The following FGFRL1 variants were observed in gnomAD, a reference collection of about 807,000 sequenced individuals.
FGFRL1 encodes fibroblast growth factor receptor-like 1.
FGFRL1 carries 24 observed loss-of-function variants against 36.8 expected under a neutral mutation model. That is an observed-to-expected ratio of 0.65 (90% CI 0.47 to 0.92). The LOEUF is 0.92. Among genes scored for constraint, FGFRL1 ranks in the 40% least tolerant of loss-of-function variants. The pLI, the probability that FGFRL1 is intolerant of heterozygous loss-of-function variation, is 0.00. For missense variants in FGFRL1, 785 were observed against 753.4 expected, an observed-to-expected ratio of 1.04 and a Z score of -0.49; for synonymous variants, 422 against 344.1, an observed-to-expected ratio of 1.23 and a Z score of -2.50.
At chr4:1,019,227 G>T (rs1326473160) in intron 2 of FGFRL1, among the ~76,000 whole-genome samples, 1 of 152,218 alleles carries the variant, frequency 6.6e-6, no homozygotes, top group Non-Finnish European at 1.5e-5. Flanking sequence ...AGCCTCTGAG[G>T]TGGGCTCCCT....
chr4:1,022,422 A>C lies in FGFRL1; in HGVS notation c.299A>C (p.Lys100Thr). The change falls in exon 3 of 7, where the codon AAG becomes ACG. Residue 100 changes from lysine to threonine, a missense_variant. Coordinates refer to ENST00000510644, the MANE Select transcript of FGFRL1 (RefSeq NM_001004356.3). ...EREDAGVYVC[K>T]ATNGFGSLSV... ...GAGGATGCCGGCGTGTACGTGTGCA[A>C]GGCCACCAACGGCTTCGGCAGCCTG... 1 of 1,611,368 alleles carries C rather than the reference A, an allele frequency of 6.2e-7. No homozygotes were observed.
intron 2 of FGFRL1, among the ~76,000 whole-genome samples, chr4:1,016,289 T>C (rs35654957): frequency 0.32 from 48,108 of 151,088 alleles, 7,975 homozygotes; most frequent in Middle Eastern, 0.45. Context: ...GCAGAGCCCC[T>C]CTGGGGAGTT....
intron 3 of FGFRL1, 102 bp downstream of exon 3, chr4:1,022,577 G>GC: frequency 4.9e-6 from 7 of 1,414,220 alleles, no homozygotes; most frequent in African/African-American, 1.4e-5. Context: ...GAGTCAGCCA[G>GC]CCCCCGGCAG....
chr4:1,014,020 G>A lies in FGFRL1; in HGVS notation c.79+1456G>A, dbSNP rs544642444. Among the ~76,000 whole-genome samples, 28 of 152,344 alleles carry A rather than the reference G, an allele frequency of 1.8e-4. No homozygotes were observed. The South Asian group carries it at 4.1e-3, about 23-fold the overall frequency. On this transcript the variant is annotated intron_variant, in intron 2 of 6. Transcript: ENST00000510644. Reference sequence around the variant, plus strand: ...GTGGAGGTGGGGAGGAGGTTCTTCCGGACTGTGCTGATTTTCCTAGCGTGG... The same window carrying A: ...GTGGAGGTGGGGAGGAGGTTCTTCCAGACTGTGCTGATTTTCCTAGCGTGG...
chr4:1,022,387 G>A lies in FGFRL1; in HGVS notation c.264G>A (p.Gln88=). The change falls in exon 3 of 7, where the codon CAG becomes CAA. Residue 88 remains glutamine, a synonymous_variant. Coordinates refer to ENST00000510644, the MANE Select transcript of FGFRL1 (RefSeq NM_001004356.3). ...RVLPQGLKVK[Q]VEREDAGVYV... ...TGCCGCAGGGGCTGAAGGTGAAGCAGGTGGAGCGGGAGGATGCCGGCGTGT... is the reference window on the plus strand; with the variant it reads ...TGCCGCAGGGGCTGAAGGTGAAGCAAGTGGAGCGGGAGGATGCCGGCGTGT... 14 of 1,611,340 alleles carry A rather than the reference G, an allele frequency of 8.7e-6. No homozygotes were observed. Among genetic ancestry groups the A allele is most frequent in the African/African-American group, 1.3e-5 (1 of 75,044 alleles).
intron 2 of FGFRL1, among the ~76,000 whole-genome samples, chr4:1,019,661 G>A (rs1411600676): frequency 6.6e-6 from 1 of 152,146 alleles, no homozygotes; most frequent in African/African-American, 2.4e-5. Context: ...ACCACACTGA[G>A]GGGGTGGTGG....
chr4:1,011,315 G>A, upstream of FGFRL1: 1 of 151,108 alleles, frequency 6.6e-6, no homozygotes, highest in South Asian at 2.0e-4. Flanking sequence ...AGGGCGCGGC[G>A]GCTCCTGGCC....
chr4:1,024,242 G>C, intron 5 of FGFRL1, 69 bp from the exon 6 acceptor site: 1 of 1,498,698 alleles, frequency 6.7e-7, no homozygotes, highest in Non-Finnish European at 8.9e-7. Flanking sequence ...GTGCTGGTGG[G>C]CCCAGGGTGC....
chr4:1,020,313 T>C (rs1263537646), intron 2 of FGFRL1, among the ~76,000 whole-genome samples: 2 of 152,072 alleles, frequency 1.3e-5, no homozygotes, highest in Non-Finnish European at 2.9e-5. Context: ...TGGCGAGAGA[T>C]GCCCTGGGAA....
At position 1,025,354 on chromosome 4, in the gene FGFRL1, C is replaced by T. The variant is rs779229022; in HGVS notation, c.*7C>T. The T allele has an allele frequency of 1.9e-6, 3 of 1,539,380 alleles. No homozygotes were observed. The highest frequency in any genetic ancestry group is 1.8e-6 in the Non-Finnish European group (2 of 1,138,350). On this transcript the variant is annotated 3_prime_UTR_variant, in exon 7 of 7. Coordinates refer to ENST00000510644, the MANE Select transcript of FGFRL1 (RefSeq NM_001004356.3). Reference sequence around the variant, plus strand: ...CATCCACTATCAGTGCTAGACGGCACCGTATCTGCAGTGGGCACGGGGGGG... The same window carrying T: ...CATCCACTATCAGTGCTAGACGGCATCGTATCTGCAGTGGGCACGGGGGGG...
rs557985553 is a variant in FGFRL1 at position 1,026,817 on chromosome 4, T to G, written c.*1470T>G. ...CACTGTCGTGGTGGCCCCAGATCTCTGTAATTTTATGTAGAGTTTGAGCTG... is the reference window on the plus strand; with the variant it reads ...CACTGTCGTGGTGGCCCCAGATCTCGGTAATTTTATGTAGAGTTTGAGCTG... On this transcript the variant is annotated 3_prime_UTR_variant, in exon 7 of 7. Transcript: ENST00000510644. 3 of 455,384 alleles carry G rather than the reference T, an allele frequency of 6.6e-6. No individual in the cohort carries two copies. The highest frequency in any genetic ancestry group is 6.0e-5 in the African/African-American group (3 of 50,162). 28.2% of individuals were successfully genotyped at this position (455,384 alleles called of 1,614,324 possible). A position where few individuals can be genotyped will look rare whatever the true frequency, so the allele number is the denominator to read the frequency against.
chr4:1,015,918 C>T (rs777803569), intron 2 of FGFRL1, among the ~76,000 whole-genome samples: 1 of 152,218 alleles, frequency 6.6e-6, no homozygotes, highest in East Asian at 1.9e-4. Context: ...TGGTGTGGAG[C>T]GCAGTACCAT....
At position 1,012,042 on chromosome 4, in the gene FGFRL1, C is replaced by CGA. The variant is rs1322609578; in HGVS notation, c.-17+89_-17+90insAG. On this transcript the variant is annotated intron_variant, in intron 1 of 6. Transcript: ENST00000510644. The stretch of plus-strand genomic sequence containing the variant: ...GGGCGGGGGCGGGGAGGGGCGGGTT[C>CGA]GGGGCCCCAGCTGGGCACGGGTCAT... 7 of 145,222 alleles carry CGA rather than the reference C, an allele frequency of 4.8e-5. No individual in the cohort carries two copies. The East Asian group carries it at 8.3e-4, about 17-fold the overall frequency. The allele number at this position is 145,222 out of a possible 1,614,324, so 9.0% of individuals were successfully genotyped here.
rs749603726 is a variant in FGFRL1 at position 1,024,600 on chromosome 4, C to T, written c.1008C>T (p.Tyr336=). 6 of 1,612,174 alleles carry T rather than the reference C, an allele frequency of 3.7e-6. No individual in the cohort carries two copies. In the South Asian group the frequency reaches 4.4e-5, roughly 12 times the overall value. Reference sequence around the variant, plus strand: ...CCCGCCAGGACGATGCGGGCATGTACATCTGCCTTGGCGCCAACACCATGG... The same window carrying T: ...CCCGCCAGGACGATGCGGGCATGTATATCTGCCTTGGCGCCAACACCATGG... ...TRARQDDAGM[Y]ICLGANTMGY... is the part of the protein sequence containing the mutation. Residue 336 remains tyrosine, a synonymous_variant, in exon 6 of 7, where the codon TAC becomes TAT. Transcript: ENST00000510644.
rs1038412278 is a variant in FGFRL1, at chr4:1,011,923, C to T, written c.-48C>T. ...CGCACGCCGCGGGCCCGGCCCTGAC[C>T]CCGCCGCCCGCCCGCTGAGCCCCCC... On this transcript the variant is annotated 5_prime_UTR_variant, in exon 1 of 7. Coordinates refer to ENST00000510644, the MANE Select transcript of FGFRL1 (RefSeq NM_001004356.3). 6.9e-6 allele frequency: 1 copy of T among 145,762 alleles called. No individual in the cohort carries two copies. Among genetic ancestry groups the T allele is most frequent in the Non-Finnish European group, 1.5e-5 (1 of 65,654 alleles). The allele number at this position is 145,762 out of a possible 1,614,324, so 9.0% of individuals were successfully genotyped here.
chr4:1,024,250 T>A, intron 5 of FGFRL1, 61 bp from the exon 6 acceptor site: 1 of 1,511,572 alleles, frequency 6.6e-7, no homozygotes, highest in Non-Finnish European at 8.8e-7. Flanking sequence ...GGGCCCAGGG[T>A]GCTGGCGGGG....
At chr4:1,018,359 G>T (rs185573813) in intron 2 of FGFRL1, among the ~76,000 whole-genome samples, 10 of 145,112 alleles carry the variant, frequency 6.9e-5, no homozygotes, top group Middle Eastern at 3.4e-3. Flanking sequence ...GGGCAGGGGT[G>T]GGGGGGGCGG....
At position 1,026,126 on chromosome 4, in the gene FGFRL1, A is replaced by G. The variant is rs1290797056; in HGVS notation, c.*779A>G. 1.3e-5 allele frequency: 2 copies of G among 155,174 alleles called. No homozygotes were observed. Among genetic ancestry groups the G allele is most frequent in the South Asian group, 1.9e-4 (1 of 5,252 alleles). The allele number at this position is 155,174 out of a possible 1,614,324, so 9.6% of individuals were successfully genotyped here. ...CACACACACAGATAATGCTGCCTCA[A>G]CACTCACACACGTGCAGATATTGCC... On this transcript the variant is annotated 3_prime_UTR_variant, in exon 7 of 7. Transcript: ENST00000510644.
chr4:1,024,992 C>G lies in FGFRL1; in HGVS notation c.1160C>G (p.Ala387Gly), dbSNP rs753912109. 3.1e-6 allele frequency: 5 copies of G among 1,610,628 alleles called. No homozygotes were observed. Among genetic ancestry groups the G allele is most frequent in the Non-Finnish European group, 4.2e-6 (5 of 1,179,676 alleles). Reference sequence around the variant, plus strand: ...GTGGTCATCGGCATCCCAGCCGGCGCTGTCTTCATCCTGGGCACCCTGCTC... The same window carrying G: ...GTGGTCATCGGCATCCCAGCCGGCGGTGTCTTCATCCTGGGCACCCTGCTC... ...WPVVIGIPAG[A>G]VFILGTLLLW... The change falls in exon 7 of 7, where the codon GCT becomes GGT. Residue 387 changes from alanine to glycine, a missense_variant. Coordinates refer to ENST00000510644, the MANE Select transcript of FGFRL1 (RefSeq NM_001004356.3).
Sources: gnomAD v4.1 joint callset for allele counts (sites outside exome capture counted in the v4.1 genomes callset) on GRCh38, gnomAD v4.1.1 for gene constraint, MANE v1.5 for transcripts, NCBI Gene and HGNC (gene_info 2026-07-23, HGNC 2026-07-21) for gene names.